CIC: variants seen among roughly 807,000 people sequenced by gnomAD.
CIC encodes protein capicua homolog.
Under a neutral mutation model 115.7 loss-of-function variants are expected in CIC, and 18 were observed. That is an observed-to-expected ratio of 0.16 (90% confidence interval 0.11 to 0.23). CIC has a LOEUF of 0.23. Among genes scored for constraint, CIC ranks in the 10% least tolerant of loss-of-function variants. The pLI is 1.00. For missense variants in CIC, 2,000 were observed against 2,159.3 expected (o/e 0.93, Z 1.46); for synonymous variants, 1,076 against 923.0 (o/e 1.17, Z -3.01).
In CIC at chr19:42,278,533, G is replaced by A. The variant is rs1320630826; in HGVS notation, c.2794+3956G>A. ...TGGGTTTGTCCCTCTCTGGACTTCA[G>A]TCCTCGTCTGAGCTTTCAGCCCACC... On this transcript the variant is annotated intron_variant, in intron 2 of 20. Coordinates refer to ENST00000681038, the MANE Select transcript of CIC (RefSeq NM_001386298.1). Among the ~76,000 whole-genome samples the A allele has an allele frequency of 2.6e-5, 4 of 152,204 alleles. No individual in the cohort carries two copies. The East Asian group carries it at 5.8e-4, about 22-fold the overall frequency.
chr19:42,290,593 C>T lies in CIC; in HGVS notation c.4552C>T (p.Leu1518=). 6.2e-7 allele frequency: 1 copy of T among 1,613,818 alleles called. No homozygotes were observed. Among genetic ancestry groups the T allele is most frequent in the Non-Finnish European group, 8.5e-7 (1 of 1,179,978 alleles). Residue 1518 remains leucine, a synonymous_variant, in exon 11 of 21, where the codon CTG becomes TTG. Transcript: ENST00000681038. The stretch of plus-strand genomic sequence containing the variant: ...CAAGAGACCCGAAAGTGTGGGTGGC[C>T]TGGAGCCACCAGGCCCCTCAGTCAT... ...RRKRPESVGG[L]EPPGPSVIAA...
At position 42,292,194 on chromosome 19, in the gene CIC, C is replaced by T. The variant is rs763126805; in HGVS notation, c.5722C>T (p.Pro1908Ser). The T allele has an allele frequency of 5.5e-5, 89 of 1,613,910 alleles. No homozygotes were observed. Among genetic ancestry groups the T allele is most frequent in the Non-Finnish European group, 6.8e-5 (80 of 1,180,034 alleles). The change falls in exon 13 of 21, where the codon CCC becomes TCC. Residue 1908 changes from proline to serine, a missense_variant. Transcript: ENST00000681038. ...CTCTCAGCCTCAGAAGGTCCTGTTG[C>T]CCTCCTCCACCAGGTAATTGCAGCT... ...PTSQPQKVLL[P>S]SSTRITYVQS... is the part of the protein sequence containing the mutation.
Position 42,293,689 on chromosome 19 carries a change from C to T in CIC, c.6620C>T (p.Ala2207Val). 1.2e-6 allele frequency: 2 copies of T among 1,612,862 alleles called. No homozygotes were observed. The highest frequency in any genetic ancestry group is 1.7e-6 in the Non-Finnish European group (2 of 1,179,756). The stretch of plus-strand genomic sequence containing the variant: ...CCCACTCCTCCCAGCCCGGCCCCAG[C>T]TCCAGCTGTAGCCCCTGGTGGCAGC... The part of the protein sequence containing the change: ...EPPTPPSPAP[A>V]PAVAPGGSSE... Residue 2207 changes from alanine (A) to valine (V), a missense_variant, in exon 17 of 21, where the codon GCT (alanine) becomes GTT (valine). Ala to Val is a moderately conservative substitution (Grantham distance 64). Around this residue, in one of 8 missense-constraint regions of CIC, gnomAD observed 1,466 missense variants for 1,390.4 expected, o/e 1.05. Transcript: ENST00000681038.
At chr19:42,275,534 G>A (rs2036941251) in intron 2 of CIC, among the ~76,000 whole-genome samples, 1 of 152,134 alleles carries the variant, frequency 6.6e-6, no homozygotes, top group Admixed American at 6.5e-5. Flanking sequence ...CTGAGGCTGG[G>A]GGTGGAAGAG....
At chr19:42,285,225 C>T (rs2037547712) in intron 2 of CIC, among the ~76,000 whole-genome samples, 1 of 152,030 alleles carries the variant, frequency 6.6e-6, no homozygotes, top group African/African-American at 2.4e-5. Context: ...CACCTAAGAA[C>T]CTGGAGGGTT....
rs138089030 is a variant in CIC, at chr19:42,291,957, C to G, written c.5614-129C>G. The G allele has an allele frequency of 9.1e-6, 13 of 1,421,676 alleles. No individual in the cohort carries two copies. In the East Asian group the frequency reaches 2.7e-4, roughly 30 times the overall value. 88.1% of individuals were successfully genotyped at this position (1,421,676 alleles called of 1,614,324 possible). ...GTCCCCACCTCTCACTGTCATCTTGCCCATCCTGTTCTCACCCCAAGTTCT... is the reference window on the plus strand; with the variant it reads ...GTCCCCACCTCTCACTGTCATCTTGGCCATCCTGTTCTCACCCCAAGTTCT... On this transcript the variant is annotated intron_variant, in intron 12 of 20. Transcript: ENST00000681038.
At chr19:42,294,149 C>A in intron 18 of CIC, 24 bp from the exon 19 acceptor site, 1 of 1,613,938 alleles carries the variant, frequency 6.2e-7, no homozygotes, top group South Asian at 1.1e-5. Flanking sequence ...GCCACCTGCA[C>A]TGAGTCTGCT....
Position 42,295,496 on chromosome 19 carries a change from G to T in CIC, c.*305G>T. The T allele has an allele frequency of 2.7e-6, 1 of 364,900 alleles. No homozygotes were observed. The highest frequency in any genetic ancestry group is 7.4e-4 in the Middle Eastern group (1 of 1,348). 22.6% of individuals were successfully genotyped at this position (364,900 alleles called of 1,614,324 possible). The stretch of plus-strand genomic sequence containing the variant: ...TCCTGTGAGGGCTGCAAGCTGGAGG[G>T]TGGTGCAGGCCTTGGGCCACAGGGA... On this transcript the variant is annotated 3_prime_UTR_variant, in exon 21 of 21. Transcript: ENST00000681038.
At position 42,293,907 on chromosome 19, in the gene CIC, G is replaced by C. The variant is rs201366351; in HGVS notation, c.6768-28G>C. On this transcript the variant is annotated intron_variant, in intron 17 of 20. Coordinates refer to ENST00000681038, the MANE Select transcript of CIC (RefSeq NM_001386298.1). ...AGTGGGAGCAGCTGCAGGCTGAGGC[G>C]GGGGAGGTGACCCTGCCGGCCCTCC... 121 of 1,612,554 alleles carry C rather than the reference G, an allele frequency of 7.5e-5. 2 individuals carry two copies. Among genetic ancestry groups the C allele is most frequent in the Middle Eastern group, 4.9e-4 (3 of 6,084 alleles).
chr19:42,293,313 G>A, intron 16 of CIC, 32 bp downstream of exon 16: 1 of 1,542,366 alleles, frequency 6.5e-7, no homozygotes, highest in South Asian at 1.2e-5. Flanking sequence ...GGCTCCCACT[G>A]CCACTTGGCT....
chr19:42,284,687 T>G (rs1270622168), intron 2 of CIC: 13 of 1,538,368 alleles, frequency 8.5e-6, no homozygotes, highest in Non-Finnish European at 1.1e-5. Flanking sequence ...CCCTGCCGGG[T>G]CCCCCCTGCG....
intron 9 of CIC, among the ~76,000 whole-genome samples, 191 bp from the exon 10 acceptor site, chr19:42,289,657 G>A (rs1158993698): frequency 1.3e-5 from 2 of 152,214 alleles, no homozygotes; most frequent in Non-Finnish European, 1.5e-5. Context: ...GCTCTGTCCT[G>A]CAGGCTCATA....
intron 2 of CIC, among the ~76,000 whole-genome samples, chr19:42,285,553 C>T (rs553211750): frequency 1.5e-4 from 23 of 152,320 alleles, no homozygotes; most frequent in African/African-American, 5.1e-4. Flanking sequence ...GCCAGTGCCT[C>T]GCACAGAGCT....
At chr19:42,268,532 C>G (rs940564494), upstream of CIC, 10 of 152,248 alleles carry the variant, frequency 6.6e-5, no homozygotes, top group Admixed American at 6.5e-4. Context: ...TTGCACCTCC[C>G]CCTCGTGCCG....
Position 42,287,973 on chromosome 19 carries a change from G to A in CIC, c.3656G>A (p.Gly1219Glu). ...GAGACGGGCACTGCTGCTGCCCCTG[G>A]GGGTTAGTCAGCCCCTTGGCTCTCC... ...MSETGTAAAPGVSSELLSVAA... is the reference protein window; with the variant it reads ...MSETGTAAAPEVSSELLSVAA... Residue 1219 changes from glycine to glutamate, a missense_variant and splice_region_variant, in exon 7 of 21, where the codon GGG becomes GAG. Physicochemically the swap from Gly to Glu is moderately conservative, Grantham distance 98. Around this residue, in one of 8 missense-constraint regions of CIC, gnomAD observed 1,466 missense variants for 1,390.4 expected, o/e 1.05. Coordinates refer to ENST00000681038, the MANE Select transcript of CIC (RefSeq NM_001386298.1). This position sits in a 1 kb window ranked among gnomAD's most constrained non-coding sequence, Gnocchi z 8.7. The A allele has an allele frequency of 6.3e-7, 1 of 1,589,628 alleles. No homozygotes were observed. Among genetic ancestry groups the A allele is most frequent in the South Asian group, 1.1e-5 (1 of 87,484 alleles).
At position 42,291,303 on chromosome 19, in the gene CIC, C is replaced by T. The variant is rs200916715; in HGVS notation, c.5262C>T (p.Ala1754=). ...AGGTGGCACCTGCCCCAGCACCAGCCCCTGGGACCAAGGCAGCGGCTCCCA... is the reference window on the plus strand; with the variant it reads ...AGGTGGCACCTGCCCCAGCACCAGCTCCTGGGACCAAGGCAGCGGCTCCCA... ...QLQVAPAPAP[A]PGTKAAAPSG... Residue 1754 remains alanine, a synonymous_variant, in exon 11 of 21, where the codon GCC becomes GCT. Coordinates refer to ENST00000681038, the MANE Select transcript of CIC (RefSeq NM_001386298.1). 3.7e-5 allele frequency: 60 copies of T among 1,612,852 alleles called. No individual in the cohort carries two copies. The highest frequency in any genetic ancestry group is 2.0e-4 in the African/African-American group (15 of 75,022).
intron 2 of CIC, chr19:42,284,564 C>T: frequency 4.6e-6 from 1 of 215,056 alleles, no homozygotes; most frequent in East Asian, 7.3e-5. Flanking sequence ...CGGAGGGGGG[C>T]GGCGGGGGGG....
chr19:42,292,250 G>A (rs200945060), intron 13 of CIC, 43 bp downstream of exon 13: 802 of 1,613,670 alleles, frequency 5.0e-4, no homozygotes, highest in Non-Finnish European at 6.2e-4. Flanking sequence ...GGGAAGGGGT[G>A]GGGCGGGGCC....
rs531617813 is a variant in CIC, at chr19:42,280,610, G to C, written c.2794+6033G>C. Among the ~76,000 whole-genome samples, 1 of 152,180 alleles carries C rather than the reference G, an allele frequency of 6.6e-6. No homozygotes were observed. The highest frequency in any genetic ancestry group is 2.4e-5 in the African/African-American group (1 of 41,460). On this transcript the variant is annotated intron_variant, in intron 2 of 20. Transcript: ENST00000681038. This position sits in a 1 kb window ranked among gnomAD's most constrained non-coding sequence, Gnocchi z 4.9. ...GGTACCCTCCCTCCCACCGCAGACA[G>C]CTCGGGTGCCAGCTGGCCGGCGCCC...
Sources: allele counts gnomAD v4.1 joint callset (sites outside exome capture counted in the v4.1 genomes callset), GRCh38; gene constraint gnomAD v4.1.1; regional missense constraint gnomAD v4.1.1; non-coding constraint Gnocchi (gnomAD v3.1); transcripts MANE v1.5; gene names NCBI Gene and HGNC (gene_info 2026-07-23, HGNC 2026-07-21).